The following FBN2 variants were observed in gnomAD, a reference collection of about 807,000 sequenced individuals.
The protein encoded by FBN2 is fibrillin-2.
A neutral mutation model predicts 355.6 loss-of-function variants in FBN2; 105 were observed. That is an observed-to-expected ratio of 0.30 (90% CI 0.25 to 0.35). The LOEUF (loss-of-function observed/expected upper bound fraction) is 0.35, where lower values mean the gene tolerates loss of function less well. Among genes scored for constraint, FBN2 ranks in the 10% least tolerant of loss-of-function variants. FBN2 has a pLI of 1.00. For missense variants in FBN2, 3,280 were observed against 3,758.7 expected (o/e 0.87, Z 3.33); for synonymous variants, 1,350 against 1,301.2 (o/e 1.04, Z -0.81).
intron 7 of FBN2, among the ~76,000 whole-genome samples, chr5:128,444,951 T>C (rs1581302485): frequency 6.6e-6 from 1 of 152,292 alleles, no homozygotes; most frequent in Non-Finnish European, 1.5e-5. Flanking sequence ...TGAGAAAAGT[T>C]TGAGCAACAC....
chr5:128,366,490 G>C (rs1020442428), intron 16 of FBN2, 60 bp from the exon 17 acceptor site: 27 of 1,020,858 alleles, frequency 2.6e-5, no homozygotes, highest in South Asian at 2.5e-4. Context: ...CCATATACAA[G>C]TCATTTCATA....
chr5:128,347,225 G>A lies in FBN2; in HGVS notation c.2990-1641C>T, dbSNP rs112306448. Reference sequence around the variant, plus strand: ...TTTCATAGCTTATTGGAATAAACTAGGGTGAGAGGGGAAAGGCATCTGAAC... The same window carrying A: ...TTTCATAGCTTATTGGAATAAACTAAGGTGAGAGGGGAAAGGCATCTGAAC... On this transcript the variant is annotated intron_variant, in intron 23 of 64. Coordinates refer to ENST00000262464, the MANE Select transcript of FBN2 (RefSeq NM_001999.4). Among the ~76,000 whole-genome samples the A allele has an allele frequency of 8.4e-4, 128 of 152,276 alleles. 2 individuals carry two copies. The highest frequency in any genetic ancestry group is 6.8e-3 in the Middle Eastern group (2 of 294).
rs780729130 is a variant in FBN2, at chr5:128,276,046, G to A, written c.7586C>T (p.Thr2529Ile). 1.2e-6 allele frequency: 2 copies of A among 1,613,764 alleles called. No individual in the cohort carries two copies. The highest frequency in any genetic ancestry group is 1.7e-5 in the Admixed American group (1 of 59,996). The change falls in exon 59 of 65, where the codon ACA (threonine) becomes ATA (isoleucine). Residue 2529 changes from threonine to isoleucine, a missense_variant. By Grantham distance (89) the Thr-to-Ile change is moderately conservative. Around this residue, in one of 6 missense-constraint regions of FBN2, gnomAD observed 2,284 missense variants for 2,749.5 expected, o/e 0.83. Transcript: ENST00000262464. ...AGAGACTCTTCACTCACCTTTGCATGTCTTTCCATCCTCTTGCAGGACATA... is the reference window on the plus strand; with the variant it reads ...AGAGACTCTTCACTCACCTTTGCATATCTTTCCATCCTCTTGCAGGACATA... ...RGYVLQEDGK[T>I]CKDLDECQTK...
At position 128,514,554 on chromosome 5, in the gene FBN2, A is replaced by G. The variant is rs530864457; in HGVS notation, c.628+4719T>C. On this transcript the variant is annotated intron_variant, in intron 5 of 64. Transcript: ENST00000262464. ...CTAATACTGTAAGAGTACTCAACAA[A>G]TATTGGATGAATAAATATTAAATAT... Among the ~76,000 whole-genome samples, 4 of 152,286 alleles carry G rather than the reference A, an allele frequency of 2.6e-5. No homozygotes were observed. The South Asian group carries it at 8.3e-4, about 32-fold the overall frequency.
intron 7 of FBN2, among the ~76,000 whole-genome samples, chr5:128,438,673 A>G (rs1308816844): frequency 6.6e-6 from 1 of 152,148 alleles, no homozygotes; most frequent in African/African-American, 2.4e-5. Context: ...AGAGGCTCTA[A>G]CAGCTTTGTA....
At chr5:128,296,570 G>C (rs949138320) in intron 48 of FBN2, among the ~76,000 whole-genome samples, 1 of 152,068 alleles carries the variant, frequency 6.6e-6, no homozygotes, top group Non-Finnish European at 1.5e-5. Flanking sequence ...TCTTGGGAGA[G>C]TGTATGTGTC....
At position 128,272,133 on chromosome 5, in the gene FBN2, C is replaced by G. The variant is rs1477326431; in HGVS notation, c.7841-15G>C. The G allele has an allele frequency of 6.2e-7, 1 of 1,613,690 alleles. No individual in the cohort carries two copies. Among genetic ancestry groups the G allele is most frequent in the Non-Finnish European group, 8.5e-7 (1 of 1,179,876 alleles). Reference sequence around the variant, plus strand: ...TTCATCAACATCTGCAAAAACAAGCCCGGCAAAACCTTTATGTCACCTTTC... The same window carrying G: ...TTCATCAACATCTGCAAAAACAAGCGCGGCAAAACCTTTATGTCACCTTTC... On this transcript the variant is annotated splice_polypyrimidine_tract_variant and intron_variant, in intron 61 of 64. Coordinates refer to ENST00000262464, the MANE Select transcript of FBN2 (RefSeq NM_001999.4).
chr5:128,514,275 T>G (rs1756219222), intron 5 of FBN2, among the ~76,000 whole-genome samples: 1 of 152,160 alleles, frequency 6.6e-6, no homozygotes, highest in South Asian at 2.1e-4. Context: ...TCTGATACTG[T>G]TTTTCCCACT....
At chr5:128,313,311 CT>C (rs1750111045) in intron 36 of FBN2, among the ~76,000 whole-genome samples, 1 of 152,126 alleles carries the variant, frequency 6.6e-6, no homozygotes, top group African/African-American at 2.4e-5. Flanking sequence ...TTAAATACTA[CT>C]TTTTTGCTGA....
At chr5:128,519,248 AG>A (rs1485653934) in intron 5 of FBN2, 24 bp downstream of exon 5, 10 of 1,500,164 alleles carry the variant, frequency 6.7e-6, no homozygotes, top group Non-Finnish European at 8.4e-6. Context: ...TTCTTCAGAA[AG>A]TAAAGTCTCA....
intron 11 of FBN2, among the ~76,000 whole-genome samples, chr5:128,381,050 T>C (rs1752221371): frequency 6.6e-6 from 1 of 152,152 alleles, no homozygotes; most frequent in African/African-American, 2.4e-5. Context: ...AAATACTTTA[T>C]ATGCCAACTT....
intron 7 of FBN2, among the ~76,000 whole-genome samples, chr5:128,443,573 T>A (rs1279476976): frequency 6.6e-6 from 1 of 152,164 alleles, no homozygotes; most frequent in Non-Finnish European, 1.5e-5. Context: ...TGTTTAACGA[T>A]TAATAAGCTA....
chr5:128,358,633 A>G (rs900796958), intron 19 of FBN2, among the ~76,000 whole-genome samples: 2 of 152,104 alleles, frequency 1.3e-5, no homozygotes, highest in African/African-American at 4.8e-5. Flanking sequence ...TAAAAATACA[A>G]GAAGAGATTT....
At chr5:128,387,359 C>A (rs1368536790) in intron 11 of FBN2, among the ~76,000 whole-genome samples, 1 of 151,972 alleles carries the variant, frequency 6.6e-6, no homozygotes, top group African/African-American at 2.4e-5. Flanking sequence ...CTCTTTTATT[C>A]TTTATTAGTC....
At chr5:128,337,612 G>A (rs1750878883) in intron 27 of FBN2, among the ~76,000 whole-genome samples, 1 of 152,216 alleles carries the variant, frequency 6.6e-6, no homozygotes, top group Non-Finnish European at 1.5e-5. Flanking sequence ...CAAGCCGATC[G>A]TGAGCAGGCA....
chr5:128,479,029 A>G (rs1422852417), intron 5 of FBN2, among the ~76,000 whole-genome samples: 2 of 152,210 alleles, frequency 1.3e-5, no homozygotes, highest in Non-Finnish European at 2.9e-5. Flanking sequence ...GCTGCCTGAA[A>G]TAGATTTAAT....
chr5:128,306,078 T>G (rs1432322568), intron 42 of FBN2, 130 bp from the exon 43 acceptor site: 2 of 850,434 alleles, frequency 2.4e-6, no homozygotes, highest in Non-Finnish European at 3.7e-6. Context: ...TATTATATAC[T>G]AGTATAGCTA....
At chr5:128,431,627 G>A (rs1183443820) in intron 7 of FBN2, among the ~76,000 whole-genome samples, 1 of 152,140 alleles carries the variant, frequency 6.6e-6, no homozygotes, top group East Asian at 1.9e-4. Flanking sequence ...TAAGTCAAGA[G>A]CTTTCATCTT....
At chr5:128,263,356 T>TG (rs894591240) in intron 63 of FBN2, 69 bp downstream of exon 63, 61 of 1,171,066 alleles carry the variant, frequency 5.2e-5, no homozygotes, top group Admixed American at 3.5e-4. Flanking sequence ...TTCCCTGCAG[T>TG]GGGGGGTGGC....
Sources: allele counts gnomAD v4.1 joint callset (sites outside exome capture counted in the v4.1 genomes callset), GRCh38; gene constraint gnomAD v4.1.1; regional missense constraint gnomAD v4.1.1; transcripts MANE v1.5; gene names NCBI Gene and HGNC (gene_info 2026-07-23, HGNC 2026-07-21).